Variants in USP53 observed in about 807,000 individuals in gnomAD.
USP53 encodes ubiquitin carboxyl-terminal hydrolase 53.
Under a neutral mutation model 94.9 loss-of-function variants are expected in USP53, and 71 were observed. The ratio of observed to expected loss-of-function variants is 0.75; its 90% confidence interval spans 0.62 to 0.91. The LOEUF (loss-of-function observed/expected upper bound fraction) is 0.91, where lower values mean the gene tolerates loss of function less well. Ranked by LOEUF, USP53 falls within the 40% of genes least tolerant of loss-of-function variation. The pLI, the probability that USP53 is intolerant of heterozygous loss-of-function variation, is 0.00. For synonymous variants in USP53, 375 were observed against 422.7 expected (o/e 0.89, Z 1.39); for missense variants, 1,173 against 1,281.0 (o/e 0.92, Z 1.29).
intron 5 of USP53, among the ~76,000 whole-genome samples, chr4:119,240,500 G>A (rs1297739038): frequency 2.0e-5 from 3 of 152,086 alleles, no homozygotes; most frequent in Admixed American, 6.5e-5. Context: ...TTTTTATTCA[G>A]CAGTTATAGA....
chr4:119,279,693 C>G (rs1753225927), intron 17 of USP53, among the ~76,000 whole-genome samples: 2 of 152,152 alleles, frequency 1.3e-5, no homozygotes, highest in South Asian at 4.1e-4. Context: ...GGCGCCCCTC[C>G]CCCAGCCTCG....
chr4:119,254,112 T>TG (rs1420721190), intron 7 of USP53, among the ~76,000 whole-genome samples: 4 of 152,242 alleles, frequency 2.6e-5, no homozygotes, highest in African/African-American at 9.6e-5. Context: ...GGCTTCTCTT[T>TG]GTGGGTAACC....
rs1404864799 is a variant in USP53, at chr4:119,276,466, A to C, written c.2251+2758A>C. Among the ~76,000 whole-genome samples the C allele has an allele frequency of 4.0e-5, 6 of 151,738 alleles. No individual in the cohort carries two copies. In the South Asian group the frequency reaches 1.3e-3, roughly 32 times the overall value. On this transcript the variant is annotated intron_variant, in intron 17 of 18. Transcript: ENST00000692078. ...GATGAAGCCCACTTGATCATGGTGG[A>C]TAAGCTTTTTGATGTGCTGCTGGAT...
chr4:119,259,954 G>T (rs374501404), intron 10 of USP53, 29 bp downstream of exon 10: 154 of 1,510,384 alleles, frequency 1.0e-4, no homozygotes, highest in Non-Finnish European at 1.0e-4. Context: ...ATATTAGTAT[G>T]CTTCTTGTTT....
intron 17 of USP53, among the ~76,000 whole-genome samples, chr4:119,290,281 C>T (rs967364137): frequency 1.3e-5 from 2 of 152,106 alleles, no homozygotes; most frequent in Non-Finnish European, 2.9e-5. Flanking sequence ...TAACAAAAGT[C>T]ACACTGTAAA....
At chr4:119,271,048 T>A (rs770495852) in intron 15 of USP53, among the ~76,000 whole-genome samples, 58 of 152,206 alleles carry the variant, frequency 3.8e-4, no homozygotes, top group Non-Finnish European at 5.6e-4. Flanking sequence ...CTTATTTTTT[T>A]AAAAACTGCC....
intron 5 of USP53, among the ~76,000 whole-genome samples, chr4:119,243,111 C>T (rs555906382): frequency 7.9e-5 from 12 of 152,126 alleles, no homozygotes; most frequent in African/African-American, 2.4e-4. Context: ...ATGCAAATAA[C>T]GAAAAAGTGT....
At chr4:119,215,083 G>C (rs1335176368) in intron 2 of USP53, among the ~76,000 whole-genome samples, 1 of 152,088 alleles carries the variant, frequency 6.6e-6, no homozygotes, top group Non-Finnish European at 1.5e-5. Context: ...TTTATATATT[G>C]CATCTGGAAG....
intron 5 of USP53, among the ~76,000 whole-genome samples, chr4:119,241,342 A>G (rs1042634809): frequency 4.6e-5 from 7 of 152,056 alleles, no homozygotes; most frequent in African/African-American, 1.7e-4. Flanking sequence ...ACTTTTTTGC[A>G]TAGATCCACA....
Position 119,239,328 on chromosome 4 carries a change from C to A in USP53, c.-432C>A, listed in dbSNP as rs772491921. On this transcript the variant is annotated 5_prime_UTR_variant, in exon 5 of 19. Coordinates refer to ENST00000692078, the MANE Select transcript of USP53 (RefSeq NM_001371395.1). The stretch of plus-strand genomic sequence containing the variant: ...AAAAAACATAAGGAAAACAAACAAC[C>A]AAAGGAATCATGCCAAATGCCAACT... 5.0e-5 allele frequency: 8 copies of A among 159,734 alleles called. No individual in the cohort carries two copies. Among genetic ancestry groups the A allele is most frequent in the Non-Finnish European group, 1.1e-4 (8 of 73,424 alleles). 9.9% of individuals were successfully genotyped at this position (159,734 alleles called of 1,614,324 possible).
chr4:119,256,638 A>C, intron 9 of USP53, 115 bp downstream of exon 9: 1 of 1,058,628 alleles, frequency 9.4e-7, no homozygotes, highest in South Asian at 1.4e-5. Flanking sequence ...GTCTGAGGCT[A>C]CCAAGTATGC....
chr4:119,281,595 G>A (rs1359023752), intron 17 of USP53, among the ~76,000 whole-genome samples: 4 of 152,104 alleles, frequency 2.6e-5, no homozygotes, highest in Admixed American at 6.5e-5. Flanking sequence ...ACAGTAAAGG[G>A]TTGGCCAGAA....
At chr4:119,268,614 T>C (rs1456557068) in intron 14 of USP53, among the ~76,000 whole-genome samples, 194 bp downstream of exon 14, 2 of 152,240 alleles carry the variant, frequency 1.3e-5, no homozygotes, top group African/African-American at 4.8e-5. Context: ...CATGAGTTGT[T>C]TGAGTTTCTT....
intron 12 of USP53, among the ~76,000 whole-genome samples, chr4:119,263,299 C>T (rs116981240): frequency 1.3e-5 from 2 of 152,262 alleles, no homozygotes; most frequent in East Asian, 1.9e-4. Flanking sequence ...TCTATAATTA[C>T]CCCCTGCTTA....
intron 17 of USP53, 125 bp downstream of exon 17, chr4:119,273,833 A>C (rs1752190085): frequency 8.7e-6 from 6 of 689,456 alleles, no homozygotes; most frequent in African/African-American, 3.6e-5. Context: ...ATAACCCTAA[A>C]ATATCAATAA....
intron 5 of USP53, among the ~76,000 whole-genome samples, chr4:119,240,251 T>C (rs1438376440): frequency 6.6e-6 from 1 of 152,152 alleles, no homozygotes; most frequent in Non-Finnish European, 1.5e-5. Flanking sequence ...TCCCTGTAGA[T>C]AGAATAAAAA....
intron 12 of USP53, among the ~76,000 whole-genome samples, chr4:119,263,679 G>T (rs1344158675): frequency 6.6e-6 from 1 of 152,162 alleles, no homozygotes; most frequent in African/African-American, 2.4e-5. Context: ...GATATAACAT[G>T]TAGGCATTAG....
intron 3 of USP53, among the ~76,000 whole-genome samples, chr4:119,225,741 A>C (rs1745157973): frequency 6.6e-6 from 1 of 152,230 alleles, no homozygotes; most frequent in South Asian, 2.1e-4. Flanking sequence ...ACTGTCTCAA[A>C]AACAAAAACA....
At chr4:119,272,442 C>T (rs1751987935) in intron 16 of USP53, 1 of 158,300 alleles carries the variant, frequency 6.3e-6, no homozygotes, top group Non-Finnish European at 1.4e-5. Flanking sequence ...GGGAAGGAGT[C>T]TCACTCTGTT....
Sources: allele counts gnomAD v4.1 joint callset (sites outside exome capture counted in the v4.1 genomes callset), GRCh38; gene constraint gnomAD v4.1.1; transcripts MANE v1.5; gene names NCBI Gene and HGNC (gene_info 2026-07-23, HGNC 2026-07-21).